The following LRP12 variants were observed in gnomAD, a reference collection of about 807,000 sequenced individuals.
The protein encoded by LRP12 is low-density lipoprotein receptor-related protein 12.
In LRP12, 14 loss-of-function variants were observed where a neutral mutation model predicts 66.0. The ratio of observed to expected loss-of-function variants is 0.21; its 90% CI spans 0.14 to 0.33. LRP12 has a LOEUF of 0.33. LRP12 is among the 10% of genes least tolerant of loss of function. The pLI, the probability that LRP12 is intolerant of heterozygous loss-of-function variation, is 1.00. For synonymous variants in LRP12, 357 were observed against 359.1 expected, an observed-to-expected ratio of 0.99 and a Z score of 0.07; for missense variants, 889 against 1,053.4, an observed-to-expected ratio of 0.84 and a Z score of 2.16.
chr8:104,522,909 G>A (rs1247358276), intron 2 of LRP12, among the ~76,000 whole-genome samples: 1 of 151,836 alleles, frequency 6.6e-6, no homozygotes, highest in Non-Finnish European at 1.5e-5. Context: ...AACATAATAA[G>A]AAAAAAAGTT....
chr8:104,578,110 A>G (rs1812193592), intron 1 of LRP12, among the ~76,000 whole-genome samples: 1 of 151,980 alleles, frequency 6.6e-6, no homozygotes, highest in Admixed American at 6.5e-5. Flanking sequence ...CAAATCCAGG[A>G]GCTGGTTTTT....
intron 1 of LRP12, among the ~76,000 whole-genome samples, chr8:104,549,350 T>C (rs1368443337): frequency 1.3e-5 from 2 of 151,610 alleles, no homozygotes; most frequent in Non-Finnish European, 2.9e-5. Flanking sequence ...CGGATACCAA[T>C]GACCTACTTA....
At chr8:104,535,346 T>C (rs1369883641) in intron 1 of LRP12, among the ~76,000 whole-genome samples, 1 of 151,962 alleles carries the variant, frequency 6.6e-6, no homozygotes, top group African/African-American at 2.4e-5. Flanking sequence ...GTCAGACTCC[T>C]GTAATAAAAT....
intron 1 of LRP12, among the ~76,000 whole-genome samples, chr8:104,543,823 G>A (rs190396091): frequency 1.6e-3 from 249 of 152,240 alleles, no homozygotes; most frequent in South Asian, 3.5e-3. Context: ...TTGGGAGGGA[G>A]AGGCAGTAGA....
At chr8:104,531,717 T>C (rs999002019) in intron 2 of LRP12, among the ~76,000 whole-genome samples, 190 bp downstream of exon 2, 1 of 152,144 alleles carries the variant, frequency 6.6e-6, no homozygotes, top group Non-Finnish European at 1.5e-5. Context: ...AATCAATCCA[T>C]GGGCATGCAA....
rs967700724 is a variant in LRP12, at chr8:104,495,006, C to T, written c.1713+71G>A. 19 of 1,414,042 alleles carry T rather than the reference C, an allele frequency of 1.3e-5. No homozygotes were observed. In the Admixed American group the frequency reaches 2.7e-4, roughly 20 times the overall value. The allele number at this position is 1,414,042 out of a possible 1,614,324, so 87.6% of individuals were successfully genotyped here. A position where few individuals can be genotyped will look rare whatever the true frequency, so the allele number is the denominator to read the frequency against. On this transcript the variant is annotated intron_variant, in intron 6 of 6. Transcript: ENST00000276654. ...AAATTCTGACAGTCAAGGGTCTTTGCTTTATCATATATACAGGCGCAGATT... is the reference window on the plus strand; with the variant it reads ...AAATTCTGACAGTCAAGGGTCTTTGTTTTATCATATATACAGGCGCAGATT...
chr8:104,586,096 T>C (rs1241680183), intron 1 of LRP12, among the ~76,000 whole-genome samples: 3 of 152,222 alleles, frequency 2.0e-5, no homozygotes, highest in South Asian at 2.1e-4. Flanking sequence ...CTTAGGCACA[T>C]TGAATGCGGT....
intron 2 of LRP12, among the ~76,000 whole-genome samples, chr8:104,522,926 G>GAAA (rs1811173742): frequency 6.6e-6 from 1 of 151,982 alleles, no homozygotes; most frequent in Non-Finnish European, 1.5e-5. Context: ...AGTTAAGCAA[G>GAAA]AAAAACATGA....
chr8:104,513,304 A>C (rs940256995), intron 2 of LRP12, among the ~76,000 whole-genome samples: 30 of 152,186 alleles, frequency 2.0e-4, no homozygotes, highest in African/African-American at 7.0e-4. Flanking sequence ...TGCACAATAT[A>C]AACTACTAAA....
Position 104,499,364 on chromosome 8 carries a change from G to A in LRP12, c.428C>T (p.Ser143Leu), listed in dbSNP as rs2140834587. The A allele has an allele frequency of 1.2e-6, 2 of 1,613,660 alleles. No individual in the cohort carries two copies. Among genetic ancestry groups the A allele is most frequent in the Non-Finnish European group, 1.7e-6 (2 of 1,179,812 alleles). The change falls in exon 4 of 7, where the codon TCG becomes TTG. Residue 143 changes from serine to leucine, a missense_variant. By Grantham distance (145) the Ser-to-Leu change is moderately radical. Transcript: ENST00000276654. Reference sequence around the variant, plus strand: ...ACCCTTTCTAGAGATGTTGTCATCCGAATGAAACCTAATCCAGATGTGGTC... The same window carrying A: ...ACCCTTTCTAGAGATGTTGTCATCCAAATGAAACCTAATCCAGATGTGGTC... The part of the protein sequence containing the change: ...SQDHIWIRFH[S>L]DDNISRKGFR...
At chr8:104,584,138 G>C (rs900942126) in intron 1 of LRP12, among the ~76,000 whole-genome samples, 1 of 151,896 alleles carries the variant, frequency 6.6e-6, no homozygotes, top group African/African-American at 2.4e-5. Flanking sequence ...AAAAAGCAGG[G>C]AGTGATAAGG....
intron 2 of LRP12, among the ~76,000 whole-genome samples, chr8:104,524,952 G>A (rs1811208151): frequency 1.3e-5 from 2 of 151,932 alleles, no homozygotes; most frequent in Non-Finnish European, 1.5e-5. Context: ...TGTGTACAAG[G>A]GCCTTGTGGT....
chr8:104,570,139 C>T (rs986337288), intron 1 of LRP12, among the ~76,000 whole-genome samples: 7 of 152,018 alleles, frequency 4.6e-5, no homozygotes, highest in Non-Finnish European at 1.0e-4. Flanking sequence ...AATCAAAGAC[C>T]TAAATTAACA....
chr8:104,545,413 G>A (rs1213608300), intron 1 of LRP12, among the ~76,000 whole-genome samples: 1 of 152,188 alleles, frequency 6.6e-6, no homozygotes, highest in African/African-American at 2.4e-5. Flanking sequence ...ACATTCTACT[G>A]TGGGCAAAAG....
intron 6 of LRP12, among the ~76,000 whole-genome samples, chr8:104,492,379 T>A (rs772501695): frequency 2.0e-5 from 3 of 152,180 alleles, no homozygotes; most frequent in African/African-American, 7.2e-5. Context: ...TAAAAGCATA[T>A]AGCATTATAT....
At chr8:104,534,567 A>G (rs1196227252) in intron 1 of LRP12, among the ~76,000 whole-genome samples, 1 of 152,194 alleles carries the variant, frequency 6.6e-6, no homozygotes, top group South Asian at 2.1e-4. Flanking sequence ...TTAAAATTTC[A>G]TTAAAGTATT....
chr8:104,547,363 TA>T (rs1216538356), intron 1 of LRP12, among the ~76,000 whole-genome samples: 5 of 114,724 alleles, frequency 4.4e-5, no homozygotes, highest in Admixed American at 1.7e-4. Flanking sequence ...ATTTTGTATA[TA>T]ATATACAATT....
intron 2 of LRP12, among the ~76,000 whole-genome samples, chr8:104,527,891 T>A (rs1811265451): frequency 6.6e-6 from 1 of 152,164 alleles, no homozygotes; most frequent in Non-Finnish European, 1.5e-5. Context: ...TTACTTCTGC[T>A]ATTAAGTGAT....
At chr8:104,578,318 T>C (rs976774211) in intron 1 of LRP12, among the ~76,000 whole-genome samples, 2 of 151,984 alleles carry the variant, frequency 1.3e-5, no homozygotes, top group African/African-American at 4.8e-5. Context: ...ACTGGACACA[T>C]ACACCTTCCT....
Sources: gnomAD v4.1 joint callset for allele counts (sites outside exome capture counted in the v4.1 genomes callset) on GRCh38, gnomAD v4.1.1 for gene constraint, MANE v1.5 for transcripts, NCBI Gene and HGNC (gene_info 2026-07-23, HGNC 2026-07-21) for gene names.